The following DNASE2B variants were observed in gnomAD, a reference collection of about 807,000 sequenced individuals.
The protein encoded by DNASE2B is deoxyribonuclease-2-beta.
In DNASE2B, 43 loss-of-function variants were observed where a neutral mutation model predicts 46.0. That is an observed-to-expected ratio of 0.94 (90% CI 0.73 to 1.21). The LOEUF (loss-of-function observed/expected upper bound fraction) is 1.21, where lower values mean the gene tolerates loss of function less well. Among genes scored for constraint, DNASE2B ranks in the 50% most tolerant of loss-of-function variants. The probability of loss-of-function intolerance (pLI) is 0.00; values close to 1 mark genes in which losing one functional copy is unlikely to be tolerated. For synonymous variants in DNASE2B, 156 were observed against 152.5 expected (o/e 1.02, Z -0.17); for missense variants, 395 against 414.4 (o/e 0.95, Z 0.41).
rs1346472007 is a variant in DNASE2B, at chr1:84,401,938, G to T, written c.163G>T (p.Glu55Ter). 41 of 1,553,874 alleles carry T rather than the reference G, an allele frequency of 2.6e-5. No homozygotes were observed. The highest frequency in any genetic ancestry group is 3.2e-5 in the Non-Finnish European group (37 of 1,157,234). ...FYKLPKRQNKESGETGLEYLY... is the reference protein window; with the variant it reads ...FYKLPKRQNK ...TAAGTTACCTAAAAGACAAAACAAGGAAAGTGGAGAGACTGGGTTAGAGTA... is the reference window on the plus strand; with the variant it reads ...TAAGTTACCTAAAAGACAAAACAAGTAAAGTGGAGAGACTGGGTTAGAGTA... The change falls in exon 2 of 6, where the codon GAA becomes TAA. Residue 55 changes from glutamate (E) to a stop codon, truncating the protein, a stop_gained. Transcript: ENST00000370665. LOFTEE classifies it high-confidence loss of function.
intron 2 of DNASE2B, among the ~76,000 whole-genome samples, chr1:84,405,511 C>T (rs1017330703): frequency 6.6e-6 from 1 of 152,182 alleles, no homozygotes; most frequent in Non-Finnish European, 1.5e-5. Flanking sequence ...TCAACATCTT[C>T]TTATAATGTC....
intron 4 of DNASE2B, among the ~76,000 whole-genome samples, chr1:84,411,430 GTGTGTGTGTGTGTGTGTGTGT>G (rs1680591558): frequency 6.2e-4 from 1 of 1,612 alleles, no homozygotes; most frequent in African/African-American, 7.7e-4. Flanking sequence ...CCTAGGGTGT[GTGTGTGTGTGTGTGTGTGTGT>G]GTGTGTGTGT....
intron 2 of DNASE2B, among the ~76,000 whole-genome samples, chr1:84,402,988 C>T (rs1333616370): frequency 6.6e-6 from 1 of 152,154 alleles, no homozygotes; most frequent in Non-Finnish European, 1.5e-5. Context: ...AAAATACACA[C>T]GGAACTGTCA....
At position 84,410,930 on chromosome 1, in the gene DNASE2B, C is replaced by T. The variant is rs781277278; in HGVS notation, c.478C>T (p.Pro160Ser). The change falls in exon 4 of 6, where the codon CCC becomes TCC. Residue 160 changes from proline to serine, a missense_variant. By Grantham distance (74) the Pro-to-Ser change is moderately conservative. Coordinates refer to ENST00000370665, the MANE Select transcript of DNASE2B (RefSeq NM_021233.3). ...PIPEEGYDYPPTGRRNGQSGI... is the reference protein window; with the variant it reads ...PIPEEGYDYPSTGRRNGQSGI... ...TCCGGAAGAAGGCTATGATTATCCACCCACAGGGAGACGAAATGGACAAAG... is the reference window on the plus strand; with the variant it reads ...TCCGGAAGAAGGCTATGATTATCCATCCACAGGGAGACGAAATGGACAAAG... The T allele has an allele frequency of 1.9e-6, 3 of 1,613,146 alleles. No homozygotes were observed. Among genetic ancestry groups the T allele is most frequent in the South Asian group, 2.2e-5 (2 of 90,796 alleles).
Position 84,414,841 on chromosome 1 carries a change from A to G in DNASE2B, c.1059A>G (p.Leu353=). ...AAATTTACCAAGCATTTCAAGGATT[A>G]GTATTATACTATGAAAGCTGTAAGT... ...NWQIYQAFQG[L]VLYYESCK The change falls in exon 6 of 6, where the codon TTA becomes TTG. Residue 353 remains leucine (L), a synonymous_variant. Transcript: ENST00000370665. The G allele has an allele frequency of 6.2e-7, 1 of 1,612,610 alleles. No individual in the cohort carries two copies. Among genetic ancestry groups the G allele is most frequent in the East Asian group, 2.2e-5 (1 of 44,846 alleles).
intron 1 of DNASE2B, among the ~76,000 whole-genome samples, chr1:84,400,760 T>C (rs903582528): frequency 6.6e-6 from 1 of 152,230 alleles, no homozygotes; most frequent in Non-Finnish European, 1.5e-5. Context: ...TGAATGGACA[T>C]ATTACTTAGC....
At chr1:84,407,825 C>T (rs1680516077) in intron 2 of DNASE2B, among the ~76,000 whole-genome samples, 1 of 152,028 alleles carries the variant, frequency 6.6e-6, no homozygotes, top group East Asian at 1.9e-4. Context: ...AATTTCACCA[C>T]TTTTTTTAAG....
In DNASE2B at chr1:84,408,445, C is replaced by T. The variant is rs1313678565; in HGVS notation, c.312C>T (p.Asn104=). ...CTAATATATTCCTGCAGAGTAACAA[C>T]ACAGCCTATCTAATATACAATGATG... The part of the protein sequence containing the change: ...LYEAYASKSN[N]TAYLIYNDGV... The change falls in exon 3 of 6, where the codon AAC becomes AAT. Residue 104 remains asparagine (N), a synonymous_variant. Transcript: ENST00000370665. 1.9e-6 allele frequency: 3 copies of T among 1,608,476 alleles called. No individual in the cohort carries two copies. The highest frequency in any genetic ancestry group is 2.5e-6 in the Non-Finnish European group (3 of 1,177,098).
intron 1 of DNASE2B, 148 bp downstream of exon 1, chr1:84,398,837 TC>T: frequency 8.0e-7 from 1 of 1,250,004 alleles, no homozygotes; most frequent in Non-Finnish European, 1.1e-6. Context: ...TCGGCCAAAC[TC>T]CCAGGCAGGG....
At position 84,398,646 on chromosome 1, in the gene DNASE2B, G is replaced by C. The variant is rs377136817; in HGVS notation, c.82G>C (p.Ala28Pro). The change falls in exon 1 of 6, where the codon GCA becomes CCA. Residue 28 changes from alanine to proline, a missense_variant. Physicochemically the swap from Ala to Pro is conservative, Grantham distance 27. Transcript: ENST00000370665. Reference protein sequence around the residue: ...FLGLFGVLGAATISCRNEEGK... With the variant: ...FLGLFGVLGAPTISCRNEEGK... The stretch of plus-strand genomic sequence containing the variant: ...TGGCCTCTTTGGGGTGCTGGGGGCA[G>C]CAACAATTTCATGCAGAAATGAAGA... The C allele has an allele frequency of 6.2e-7, 1 of 1,613,752 alleles. No individual in the cohort carries two copies. The highest frequency in any genetic ancestry group is 1.3e-5 in the African/African-American group (1 of 74,914).
intron 1 of DNASE2B, 72 bp from the exon 2 acceptor site, chr1:84,401,829 T>G: frequency 8.8e-7 from 1 of 1,131,508 alleles, no homozygotes; most frequent in Non-Finnish European, 1.2e-6. Context: ...TATATTAAAG[T>G]GTGTAATACA....
chr1:84,414,905 C>T lies in DNASE2B; in HGVS notation c.*37C>T. The T allele has an allele frequency of 1.4e-6, 2 of 1,476,996 alleles. No homozygotes were observed. Among genetic ancestry groups the T allele is most frequent in the East Asian group, 4.6e-5 (2 of 43,794 alleles). 91.5% of individuals were successfully genotyped at this position (1,476,996 alleles called of 1,614,324 possible). The stretch of plus-strand genomic sequence containing the variant: ...GGACACAGGTACTATCATTGAAAAC[C>T]TTGACAATGGGTCTTCTTCCATTAC... On this transcript the variant is annotated 3_prime_UTR_variant, in exon 6 of 6. Coordinates refer to ENST00000370665, the MANE Select transcript of DNASE2B (RefSeq NM_021233.3).
intron 4 of DNASE2B, among the ~76,000 whole-genome samples, chr1:84,411,769 T>A (rs1310656988): frequency 6.6e-6 from 1 of 152,176 alleles, no homozygotes; most frequent in Non-Finnish European, 1.5e-5. Flanking sequence ...AATTTCCATC[T>A]TATGGCAAGG....
Position 84,402,024 on chromosome 1 carries a change from C to G in DNASE2B, c.249C>G (p.Thr83=). The G allele has an allele frequency of 6.2e-7, 1 of 1,610,348 alleles. No homozygotes were observed. Among genetic ancestry groups the G allele is most frequent in the Non-Finnish European group, 8.5e-7 (1 of 1,178,532 alleles). Residue 83 remains threonine (T), a synonymous_variant, in exon 2 of 6, where the codon ACC becomes ACG. Coordinates refer to ENST00000370665, the MANE Select transcript of DNASE2B (RefSeq NM_021233.3). ...WRKSEQLMND[T]KSVLGRTLQQ... Reference sequence around the variant, plus strand: ...AGAGTGAGCAACTAATGAATGACACCAAGAGTGTTTTGGGAAGGACATTAC... The same window carrying G: ...AGAGTGAGCAACTAATGAATGACACGAAGAGTGTTTTGGGAAGGACATTAC...
intron 3 of DNASE2B, among the ~76,000 whole-genome samples, chr1:84,408,986 AT>A (rs1680543065): frequency 6.6e-6 from 1 of 151,966 alleles, no homozygotes; most frequent in Admixed American, 6.6e-5. Context: ...TTGAAAAAGT[AT>A]TTTAAATAGC....
rs745936782 is a variant in DNASE2B at position 84,414,685 on chromosome 1, T to G, written c.903T>G (p.Ser301=). The G allele has an allele frequency of 6.8e-6, 11 of 1,614,176 alleles. No homozygotes were observed. Among genetic ancestry groups the G allele is most frequent in the Non-Finnish European group, 9.3e-6 (11 of 1,180,024 alleles). The change falls in exon 6 of 6, where the codon TCT becomes TCG. Residue 301 remains serine (S), a synonymous_variant. Coordinates refer to ENST00000370665, the MANE Select transcript of DNASE2B (RefSeq NM_021233.3). ...TATCACGACACTCTTATTTCAGTTC[T>G]TATCAAGATCATGCCAAGTGGTGTA... ...IKLSRHSYFS[S]YQDHAKWCIS...
intron 4 of DNASE2B, 38 bp downstream of exon 4, chr1:84,411,037 T>C (rs753683784): frequency 6.4e-7 from 1 of 1,558,600 alleles, no homozygotes; most frequent in Admixed American, 1.9e-5. Flanking sequence ...ACGATAACTA[T>C]GTTGAAGAAA....
In DNASE2B at chr1:84,401,991, C is replaced by G; in HGVS notation, c.216C>G (p.Ser72Arg). Residue 72 changes from serine to arginine, a missense_variant, in exon 2 of 6, where the codon AGC (serine) becomes AGG (arginine). Ser to Arg is a moderately radical substitution (Grantham distance 110). Coordinates refer to ENST00000370665, the MANE Select transcript of DNASE2B (RefSeq NM_021233.3). Reference sequence around the variant, plus strand: ...TGTACCTAGACTCTACAACTAGAAGCTGGAGGAAGAGTGAGCAACTAATGA... The same window carrying G: ...TGTACCTAGACTCTACAACTAGAAGGTGGAGGAAGAGTGAGCAACTAATGA... ...EYLYLDSTTR[S>R]WRKSEQLMND... 2 of 1,608,714 alleles carry G rather than the reference C, an allele frequency of 1.2e-6. No individual in the cohort carries two copies. The highest frequency in any genetic ancestry group is 1.7e-6 in the Non-Finnish European group (2 of 1,178,124).
intron 2 of DNASE2B, among the ~76,000 whole-genome samples, chr1:84,405,720 G>C (rs1680482665): frequency 6.6e-6 from 1 of 152,184 alleles, no homozygotes; most frequent in Non-Finnish European, 1.5e-5. Flanking sequence ...GTGTCATGTG[G>C]CATTTTCAGC....
Sources: gnomAD v4.1 joint callset for allele counts (sites outside exome capture counted in the v4.1 genomes callset) on GRCh38, gnomAD v4.1.1 for gene constraint, MANE v1.5 for transcripts, NCBI Gene and HGNC (gene_info 2026-07-23, HGNC 2026-07-21) for gene names.